Variants in LRRC38 observed in about 807,000 individuals in gnomAD.
The protein encoded by LRRC38 is leucine-rich repeat-containing protein 38.
A neutral mutation model predicts 16.4 loss-of-function variants in LRRC38; 5 were observed. That is an observed-to-expected ratio of 0.31 (90% CI 0.16 to 0.64). The LOEUF (loss-of-function observed/expected upper bound fraction) is 0.64. LRRC38 is among the 30% of genes least tolerant of loss of function. The pLI, the probability that LRRC38 is intolerant of heterozygous loss-of-function variation, is 0.80. For missense variants in LRRC38, 341 were observed against 401.8 expected (o/e 0.85, Z 1.29); for synonymous variants, 191 against 190.2 (o/e 1.00, Z -0.04).
intron 1 of LRRC38, among the ~76,000 whole-genome samples, chr1:13,503,086 C>G (rs1473249165): frequency 6.6e-6 from 1 of 152,092 alleles, no homozygotes; most frequent in Non-Finnish European, 1.5e-5. Flanking sequence ...TGCTGGGAGC[C>G]TCAGACTCTT....
Position 13,475,715 on chromosome 1 carries a change from A to T in LRRC38, c.*131T>A. The T allele has an allele frequency of 8.2e-7, 1 of 1,223,572 alleles. No homozygotes were observed. Among genetic ancestry groups the T allele is most frequent in the Non-Finnish European group, 1.1e-6 (1 of 896,460 alleles). The allele number at this position is 1,223,572 out of a possible 1,614,324, so 75.8% of individuals were successfully genotyped here. On this transcript the variant is annotated 3_prime_UTR_variant, in exon 2 of 2. Transcript: ENST00000376085. The surrounding 1 kb of genome is among the most constrained non-coding windows in gnomAD (Gnocchi z 4.3). Reference sequence around the variant, plus strand: ...TCCCAGCAGGTGTACCCAGGGGCCAAGACACGGAACAGGCTCTGTTCAGTT... The same window carrying T: ...TCCCAGCAGGTGTACCCAGGGGCCATGACACGGAACAGGCTCTGTTCAGTT...
At chr1:13,490,260 G>A (rs1195807191) in intron 1 of LRRC38, among the ~76,000 whole-genome samples, 1 of 152,098 alleles carries the variant, frequency 6.6e-6, no homozygotes, top group Non-Finnish European at 1.5e-5. Flanking sequence ...TCGGGTTCAA[G>A]CGATTCTCCT....
intron 1 of LRRC38, among the ~76,000 whole-genome samples, chr1:13,502,094 A>ATTTTTTTT (rs58436602): frequency 7.5e-6 from 1 of 133,896 alleles, no homozygotes; most frequent in Non-Finnish European, 1.6e-5. Flanking sequence ...CGCCCAGCCA[A>ATTTTTTTT]TTTTTTTTTT....
chr1:13,506,453 CTATTTTCTTTTTT>C (rs1268316741), intron 1 of LRRC38, among the ~76,000 whole-genome samples: 1 of 152,006 alleles, frequency 6.6e-6, no homozygotes, highest in African/African-American at 2.4e-5. Flanking sequence ...ATTTCTTTTT[CTATTTTCTTTTTT>C]CTTTTTTTTG....
At chr1:13,486,209 C>CA (rs1270421539) in intron 1 of LRRC38, among the ~76,000 whole-genome samples, 1 of 152,158 alleles carries the variant, frequency 6.6e-6, no homozygotes, top group African/African-American at 2.4e-5. Flanking sequence ...CGCCTCCCTC[C>CA]AGCCTCTCCC....
intron 1 of LRRC38, among the ~76,000 whole-genome samples, chr1:13,483,090 T>C (rs556284596): frequency 2.0e-5 from 3 of 152,186 alleles, no homozygotes; most frequent in East Asian, 3.9e-4. Context: ...TGCACCAGCC[T>C]GGCCCAGCCC....
intron 1 of LRRC38, 72 bp from the exon 2 acceptor site, chr1:13,476,171 G>C: frequency 6.1e-6 from 9 of 1,467,002 alleles, no homozygotes; most frequent in Non-Finnish European, 8.3e-6. Context: ...TGACAAGGCA[G>C]GTGCTTACAA....
Position 13,475,698 on chromosome 1 carries a change from G to A in LRRC38, c.*148C>T, listed in dbSNP as rs1638777480. ...AACTCTGAGATCAGTGGTCCCAGCA[G>A]GTGTACCCAGGGGCCAAGACACGGA... is the stretch of plus-strand genomic sequence containing the variant. On this transcript the variant is annotated 3_prime_UTR_variant, in exon 2 of 2. Coordinates refer to ENST00000376085, the MANE Select transcript of LRRC38 (RefSeq NM_001010847.2). The surrounding 1 kb of genome is among the most constrained non-coding windows in gnomAD (Gnocchi z 4.3). 2 of 963,220 alleles carry A rather than the reference G, an allele frequency of 2.1e-6. No homozygotes were observed. The highest frequency in any genetic ancestry group is 1.7e-5 in the South Asian group (1 of 58,832). The allele number at this position is 963,220 out of a possible 1,614,324, so 59.7% of individuals were successfully genotyped here.
At chr1:13,509,484 T>A (rs2940304) in intron 1 of LRRC38, among the ~76,000 whole-genome samples, 5 of 151,458 alleles carry the variant, frequency 3.3e-5, no homozygotes, top group Non-Finnish European at 7.4e-5. Context: ...CAGCGGCATA[T>A]TCTCCCTATG....
At chr1:13,512,922 C>CCCCCCAA in intron 1 of LRRC38, 41 bp downstream of exon 1, 2 of 1,218,340 alleles carry the variant, frequency 1.6e-6, no homozygotes, top group Non-Finnish European at 2.3e-6. Context: ...CCTCTCCCTG[C>CCCCCCAA]CCCCCTCCCT....
Position 13,513,956 on chromosome 1 carries a change from T to C in LRRC38, c.-363A>G, listed in dbSNP as rs1293388703. The C allele has an allele frequency of 6.6e-6, 1 of 151,786 alleles. No homozygotes were observed. Among genetic ancestry groups the C allele is most frequent in the Non-Finnish European group, 1.5e-5 (1 of 67,992 alleles). 9.4% of individuals were successfully genotyped at this position (151,786 alleles called of 1,614,324 possible). A position where few individuals can be genotyped will look rare whatever the true frequency, so the allele number is the denominator to read the frequency against. ...CCACCCTGGCAGCTGATTTCCGAGA[T>C]CTGGCAGTAAGACGCCGCGCGCACC... On this transcript the variant is annotated 5_prime_UTR_variant, in exon 1 of 2. Transcript: ENST00000376085.
chr1:13,507,873 A>G (rs1345934302), intron 1 of LRRC38, among the ~76,000 whole-genome samples: 2 of 151,750 alleles, frequency 1.3e-5, no homozygotes, highest in African/African-American at 4.8e-5. Context: ...AGGTGTGGCT[A>G]CACCTGTACT....
rs577950110 is a variant in LRRC38, at chr1:13,482,255, G to A, written c.632-6156C>T. Among the ~76,000 whole-genome samples the A allele has an allele frequency of 3.9e-5, 6 of 152,114 alleles. 1 individual carries two copies. In the East Asian group the frequency reaches 1.2e-3, roughly 30 times the overall value. ...CTTACAGGAGAGGCATAGGGACACA[G>A]GCACAAAAGAGGACACTTAAAGGAC... is the stretch of plus-strand genomic sequence containing the variant. On this transcript the variant is annotated intron_variant, in intron 1 of 1. Transcript: ENST00000376085.
At chr1:13,501,813 G>A (rs1476279736) in intron 1 of LRRC38, among the ~76,000 whole-genome samples, 1 of 152,096 alleles carries the variant, frequency 6.6e-6, no homozygotes, top group East Asian at 1.9e-4. Context: ...GTCTCGCTGT[G>A]TTGCCCAGGC....
chr1:13,486,383 T>C (rs1638934290), intron 1 of LRRC38, among the ~76,000 whole-genome samples: 1 of 152,120 alleles, frequency 6.6e-6, no homozygotes, highest in South Asian at 2.1e-4. Flanking sequence ...AGACCCTTTT[T>C]CCAAATAAGG....
Position 13,487,755 on chromosome 1 carries a change from T to C in LRRC38, c.632-11656A>G, listed in dbSNP as rs16850719. ...AGCGGATGTTAGATTGAGATTAATC[T>C]CTTGCACCGGACCGGCCCCTTGCCA... On this transcript the variant is annotated intron_variant, in intron 1 of 1. Transcript: ENST00000376085. This position sits in a 1 kb window ranked among gnomAD's most constrained non-coding sequence, Gnocchi z 4.4. Among the ~76,000 whole-genome samples the C allele has an allele frequency of 6.0e-3, 921 of 152,258 alleles. 11 individuals carry two copies. The highest frequency in any genetic ancestry group is 0.021 in the African/African-American group (886 of 41,544).
intron 1 of LRRC38, among the ~76,000 whole-genome samples, chr1:13,497,474 C>G (rs1639093460): frequency 6.6e-6 from 1 of 151,972 alleles, no homozygotes; most frequent in East Asian, 1.9e-4. Flanking sequence ...ATTTGAGGGG[C>G]CACAAAATGT....
At chr1:13,482,724 CAATGTTCCTACCTGACCTTGG>C (rs1638885145) in intron 1 of LRRC38, among the ~76,000 whole-genome samples, 1 of 152,122 alleles carries the variant, frequency 6.6e-6, no homozygotes, top group South Asian at 2.1e-4. Context: ...GGGATCCCTG[CAATGTTCCTACCTGACCTTGG>C]AATGTTCTCC....
chr1:13,502,499 G>A (rs1378872100), intron 1 of LRRC38, among the ~76,000 whole-genome samples: 1 of 152,114 alleles, frequency 6.6e-6, no homozygotes, highest in African/African-American at 2.4e-5. Context: ...GAACTCTGGA[G>A]CCGGGGTTTC....
Sources: gnomAD v4.1 joint callset for allele counts (sites outside exome capture counted in the v4.1 genomes callset) on GRCh38, gnomAD v4.1.1 for gene constraint, Gnocchi (gnomAD v3.1) non-coding constraint, MANE v1.5 for transcripts, NCBI Gene and HGNC (gene_info 2026-07-23, HGNC 2026-07-21) for gene names.